Variants in LRRC4C observed in about 807,000 individuals in gnomAD.
LRRC4C encodes the protein leucine rich repeat containing 4C, also known as leucine-rich repeat-containing protein 4C.
LRRC4C carries 5 observed loss-of-function variants against 33.6 expected under a neutral mutation model. That is an observed-to-expected ratio of 0.15 (90% CI 0.08 to 0.31). LRRC4C has a LOEUF of 0.31. Among genes scored for constraint, LRRC4C ranks in the 10% least tolerant of loss-of-function variants. LRRC4C has a pLI of 1.00. For missense variants in LRRC4C, 560 were observed against 796.7 expected (o/e 0.70, Z 3.58); for synonymous variants, 329 against 302.0 (o/e 1.09, Z -0.93).
chr11:40,437,779 C>T (rs1951206873), intron 3 of LRRC4C, among the ~76,000 whole-genome samples: 1 of 152,194 alleles, frequency 6.6e-6, no homozygotes, highest in African/African-American at 2.4e-5. Flanking sequence ...ACGATCTCGG[C>T]TTACTGCAAA....
intron 1 of LRRC4C, among the ~76,000 whole-genome samples, chr11:41,085,945 A>G (rs1348544453): frequency 1.3e-5 from 2 of 150,714 alleles, no homozygotes; most frequent in Non-Finnish European, 3.0e-5. Context: ...AAAAAAAAAA[A>G]AAAAAAAGAA....
At chr11:40,182,273 G>C (rs1861067435) in intron 5 of LRRC4C, among the ~76,000 whole-genome samples, 1 of 151,960 alleles carries the variant, frequency 6.6e-6, no homozygotes, top group Non-Finnish European at 1.5e-5. Context: ...CCCTCACTGT[G>C]TCTTTCTCTC....
At chr11:40,220,708 AT>A (rs1305903045) in intron 5 of LRRC4C, among the ~76,000 whole-genome samples, 3 of 152,096 alleles carry the variant, frequency 2.0e-5, no homozygotes, top group Non-Finnish European at 4.4e-5. Context: ...TTAAAATAAT[AT>A]TTTTTCTTAC....
intron 5 of LRRC4C, among the ~76,000 whole-genome samples, chr11:40,177,313 C>A (rs1308008837): frequency 6.6e-6 from 1 of 152,126 alleles, no homozygotes; most frequent in Non-Finnish European, 1.5e-5. Context: ...ATTTAAATCA[C>A]AACCATCTCT....
intron 1 of LRRC4C, among the ~76,000 whole-genome samples, chr11:40,965,868 A>T (rs1305919540): frequency 6.6e-6 from 1 of 152,016 alleles, no homozygotes; most frequent in African/African-American, 2.4e-5. Context: ...TTTTGGTTCC[A>T]TATGAATTTT....
intron 1 of LRRC4C, among the ~76,000 whole-genome samples, chr11:40,955,162 T>G (rs1031161547): frequency 9.2e-5 from 14 of 151,978 alleles, no homozygotes; most frequent in Admixed American, 7.9e-4. Flanking sequence ...TATTAAACAC[T>G]AATTGAAGTT....
intron 2 of LRRC4C, among the ~76,000 whole-genome samples, chr11:40,796,381 C>T (rs1950825886): frequency 6.6e-6 from 1 of 152,068 alleles, no homozygotes; most frequent in Non-Finnish European, 1.5e-5. Flanking sequence ...TAAGGACAGG[C>T]TTGTAGTAAA....
intron 3 of LRRC4C, among the ~76,000 whole-genome samples, chr11:40,367,957 C>A (rs1948284512): frequency 6.6e-6 from 1 of 151,940 alleles, no homozygotes; most frequent in Non-Finnish European, 1.5e-5. Context: ...AACAAAGATC[C>A]AAAATTCCAG....
At chr11:40,726,436 T>C (rs575561321) in intron 2 of LRRC4C, among the ~76,000 whole-genome samples, 2 of 152,262 alleles carry the variant, frequency 1.3e-5, no homozygotes, top group South Asian at 4.1e-4. Flanking sequence ...CAGGAGCACA[T>C]CAAAATTTAA....
chr11:41,455,566 A>C (rs1956149602), intron 1 of LRRC4C, among the ~76,000 whole-genome samples: 1 of 152,148 alleles, frequency 6.6e-6, no homozygotes, highest in South Asian at 2.1e-4. Flanking sequence ...AACAACATAA[A>C]TGTTAATCAC....
At chr11:41,034,252 T>A (rs879393321) in intron 1 of LRRC4C, among the ~76,000 whole-genome samples, 5 of 151,830 alleles carry the variant, frequency 3.3e-5, no homozygotes, top group Non-Finnish European at 7.4e-5. Context: ...TGCCTTCTCA[T>A]CCTGTGATAC....
intron 1 of LRRC4C, among the ~76,000 whole-genome samples, chr11:40,973,019 TA>T (rs752812988): frequency 2.0e-5 from 3 of 152,102 alleles, no homozygotes; most frequent in Non-Finnish European, 2.9e-5. Flanking sequence ...CCTGATTGTT[TA>T]AAAGTGTGTG....
At chr11:41,400,672 C>T (rs2059475948) in intron 1 of LRRC4C, among the ~76,000 whole-genome samples, 1 of 151,830 alleles carries the variant, frequency 6.6e-6, no homozygotes, top group South Asian at 2.1e-4. Flanking sequence ...ATTCACAATA[C>T]ACAACATAGA....
intron 1 of LRRC4C, among the ~76,000 whole-genome samples, chr11:40,988,656 T>A (rs1395632930): frequency 6.6e-6 from 1 of 151,864 alleles, no homozygotes. Context: ...CTACTCAGGA[T>A]TCAAGTACCT....
At chr11:40,777,718 T>C (rs1950063383) in intron 2 of LRRC4C, among the ~76,000 whole-genome samples, 1 of 151,798 alleles carries the variant, frequency 6.6e-6, no homozygotes, top group African/African-American at 2.4e-5. Context: ...GATGGAGTCT[T>C]TCTCTGTCAC....
intron 1 of LRRC4C, among the ~76,000 whole-genome samples, chr11:41,254,449 C>A (rs994449879): frequency 1.3e-4 from 20 of 152,068 alleles, no homozygotes; most frequent in African/African-American, 4.8e-4. Context: ...ATCATAAATG[C>A]AAGACCCAAA....
intron 2 of LRRC4C, among the ~76,000 whole-genome samples, chr11:40,904,801 G>A (rs913294195): frequency 1.3e-5 from 2 of 152,104 alleles, no homozygotes; most frequent in Admixed American, 1.3e-4. Context: ...GCTAGGCAAA[G>A]CCTTCTTTAT....
At chr11:41,255,927 G>A (rs914863386) in intron 1 of LRRC4C, among the ~76,000 whole-genome samples, 1 of 151,930 alleles carries the variant, frequency 6.6e-6, no homozygotes. Flanking sequence ...TCAACCACAA[G>A]AAGCAGAGTA....
intron 2 of LRRC4C, among the ~76,000 whole-genome samples, chr11:40,710,379 T>C (rs1429219392): frequency 1.3e-5 from 2 of 152,200 alleles, no homozygotes; most frequent in Admixed American, 1.3e-4. Context: ...AGTTTTGGTG[T>C]GGATATCCTT....
Sources: gnomAD v4.1 joint callset for allele counts (sites outside exome capture counted in the v4.1 genomes callset) on GRCh38, gnomAD v4.1.1 for gene constraint, MANE v1.5 for transcripts, NCBI Gene and HGNC (gene_info 2026-07-23, HGNC 2026-07-21) for gene names.